The following MACF1 variants were observed in gnomAD, a reference collection of about 807,000 sequenced individuals.
MACF1 encodes microtubule-actin cross-linking factor 1.
Under a neutral mutation model 854.8 loss-of-function variants are expected in MACF1, and 193 were observed. The observed-to-expected ratio is 0.23, with a 90% confidence interval of 0.20 to 0.25. The LOEUF (loss-of-function observed/expected upper bound fraction) is 0.25. Among genes scored for constraint, MACF1 ranks in the 10% least tolerant of loss-of-function variants. The pLI, the probability that MACF1 is intolerant of heterozygous loss-of-function variation, is 1.00. For missense variants in MACF1, 7,722 were observed against 8,929.1 expected (o/e 0.86, Z 5.45); for synonymous variants, 3,185 against 3,226.7 (o/e 0.99, Z 0.44).
At chr1:39,386,787 A>G (rs1206561674) in intron 57 of MACF1, among the ~76,000 whole-genome samples, 1 of 144,298 alleles carries the variant, frequency 6.9e-6, no homozygotes, top group Non-Finnish European at 1.5e-5. Flanking sequence ...CTAGTCTTGA[A>G]CTCCTGGGCT....
rs1193493561 is a variant in MACF1 at position 39,332,417 on chromosome 1, A to C, written c.5829A>C (p.Ala1943=). Residue 1943 remains alanine, a synonymous_variant, in exon 37 of 101, where the codon GCA becomes GCC. Coordinates refer to ENST00000564288, the MANE Select transcript of MACF1 (RefSeq NM_001394062.1). The part of the protein sequence containing the change: ...DSAEQNINPG[A]AVLPCSKSHP... Reference sequence around the variant, plus strand: ...CAGAACAAAATATTAATCCTGGAGCAGCAGTTCTACCGTGCAGCAAGAGCC... The same window carrying C: ...CAGAACAAAATATTAATCCTGGAGCCGCAGTTCTACCGTGCAGCAAGAGCC... 2.5e-6 allele frequency: 4 copies of C among 1,614,052 alleles called. No homozygotes were observed. Among genetic ancestry groups the C allele is most frequent in the Non-Finnish European group, 3.4e-6 (4 of 1,180,020 alleles).
chr1:39,156,966 CT>C (rs11287580), intron 2 of MACF1, among the ~76,000 whole-genome samples: 119,537 of 136,816 alleles, frequency 0.87, 52,964 homozygotes, highest in East Asian at 0.99. Context: ...TTTCCATTAT[CT>C]TTTTTTTTTT....
intron 2 of MACF1, among the ~76,000 whole-genome samples, chr1:39,149,803 G>T (rs1643539146): frequency 6.6e-6 from 1 of 152,010 alleles, no homozygotes; most frequent in East Asian, 1.9e-4. Flanking sequence ...TTCTAAGCCA[G>T]ACAAAACTGT....
At chr1:39,207,334 A>C (rs1361544776) in intron 1 of MACF1, among the ~76,000 whole-genome samples, 5 of 149,998 alleles carry the variant, frequency 3.3e-5, no homozygotes, top group African/African-American at 1.2e-4. Flanking sequence ...GCTGGAGTAC[A>C]ATGGAGCACA....
At chr1:39,147,996 C>T (rs1325990823) in intron 2 of MACF1, among the ~76,000 whole-genome samples, 1 of 152,140 alleles carries the variant, frequency 6.6e-6, no homozygotes, top group African/African-American at 2.4e-5. Context: ...TTCTGCCTCA[C>T]AAATGCTTGT....
chr1:39,462,093 T>C, intron 93 of MACF1, 56 bp downstream of exon 93: 1 of 1,565,300 alleles, frequency 6.4e-7, no homozygotes, highest in Non-Finnish European at 8.8e-7. Flanking sequence ...TGTAATATCC[T>C]GAATTTGGTT....
At chr1:39,287,645 T>G in intron 15 of MACF1, 83 bp downstream of exon 15, 2 of 1,436,318 alleles carry the variant, frequency 1.4e-6, no homozygotes, top group Non-Finnish European at 1.9e-6. Context: ...AATTGCTTTG[T>G]GTTCCCTGTG....
chr1:39,129,782 A>G (rs1642951095), intron 2 of MACF1, among the ~76,000 whole-genome samples: 2 of 152,202 alleles, frequency 1.3e-5, no homozygotes, highest in South Asian at 2.1e-4. Flanking sequence ...TCACACACAC[A>G]TTATTGGTTA....
chr1:39,295,680 G>A, intron 19 of MACF1, 107 bp from the exon 20 acceptor site: 1 of 747,996 alleles, frequency 1.3e-6, no homozygotes, highest in South Asian at 1.9e-5. Context: ...CATCTTTTCT[G>A]TTGGCTTCTC....
intron 5 of MACF1, among the ~76,000 whole-genome samples, chr1:39,256,652 C>T (rs866192902): frequency 3.9e-5 from 6 of 152,114 alleles, no homozygotes; most frequent in Non-Finnish European, 8.8e-5. Flanking sequence ...TAAAGTTCCA[C>T]GTCCCAGGAA....
intron 2 of MACF1, among the ~76,000 whole-genome samples, chr1:39,177,369 G>A (rs1164135908): frequency 2.6e-5 from 4 of 152,088 alleles, no homozygotes; most frequent in African/African-American, 7.2e-5. Flanking sequence ...TGATCCACCC[G>A]CCTCGGCCTC....
Position 39,106,869 on chromosome 1 carries a change from A to G in MACF1, c.220+22431A>G, listed in dbSNP as rs115297363. ...GGAATGCAGCAGGAAAAAAGTAGAG[A>G]TGAAATGCGAAAAAAGACCTACTAG... On this transcript the variant is annotated intron_variant, in intron 2 of 93. Transcript: ENST00000361689. Among the ~76,000 whole-genome samples, 737 of 143,798 alleles carry G rather than the reference A, an allele frequency of 5.1e-3. 8 individuals are homozygous for G. The highest frequency in any genetic ancestry group is 0.018 in the African/African-American group (697 of 38,826). 94.3% of individuals were successfully genotyped at this position (143,798 alleles called of 152,430 possible). A position where few individuals can be genotyped will look rare whatever the true frequency, so the allele number is the denominator to read the frequency against.
chr1:39,382,681 C>CA (rs764349970), intron 56 of MACF1, among the ~76,000 whole-genome samples: 4,284 of 134,050 alleles, frequency 0.032, 112 homozygotes, highest in African/African-American at 0.086. Flanking sequence ...GACTCCGTCT[C>CA]AAAAAAAAAA....
At chr1:39,406,756 A>AAAAAAAAAC (rs746955922) in intron 58 of MACF1, among the ~76,000 whole-genome samples, 4,733 of 115,556 alleles carry the variant, frequency 0.041, 433 homozygotes, top group East Asian at 0.11. Context: ...AAAAAAAAAA[A>AAAAAAAAAC]AACATTCTTT....
At chr1:39,087,950 T>C (rs1641714348) in intron 2 of MACF1, among the ~76,000 whole-genome samples, 1 of 150,774 alleles carries the variant, frequency 6.6e-6, no homozygotes, top group Admixed American at 6.6e-5. Flanking sequence ...TTTTTGTATG[T>C]TTAGTAGAGA....
In MACF1 at chr1:39,384,292, C is replaced by T. The variant is rs181260750; in HGVS notation, c.13849-1142C>T. ...TCACATCAGAGTTTAATCATTTTTA[C>T]TTTTGTTACATTTTATTATAGTTCA... On this transcript the variant is annotated intron_variant, in intron 56 of 100. Transcript: ENST00000564288. Among the ~76,000 whole-genome samples, 6 of 152,222 alleles carry T rather than the reference C, an allele frequency of 3.9e-5. 1 individual carries two copies. Among genetic ancestry groups the T allele is most frequent in the Admixed American group, 3.3e-4 (5 of 15,282 alleles).
At chr1:39,431,954 C>T (rs1003440039) in intron 66 of MACF1, among the ~76,000 whole-genome samples, 1 of 152,170 alleles carries the variant, frequency 6.6e-6, no homozygotes, top group Non-Finnish European at 1.5e-5. Flanking sequence ...CCAGCCTGGG[C>T]AACAGAATCA....
In MACF1 at chr1:39,486,607, G is replaced by C. The variant is rs1429076272; in HGVS notation, c.*813G>C. Reference sequence around the variant, plus strand: ...TGGTGACATTGTGAATTTCAGATTTGTTTTATCCACTTTTTTTGCTATTTA... The same window carrying C: ...TGGTGACATTGTGAATTTCAGATTTCTTTTATCCACTTTTTTTGCTATTTA... On this transcript the variant is annotated 3_prime_UTR_variant, in exon 101 of 101. Transcript: ENST00000564288. 1 of 152,544 alleles carries C rather than the reference G, an allele frequency of 6.6e-6. No individual in the cohort carries two copies. Among genetic ancestry groups the C allele is most frequent in the Admixed American group, 6.5e-5 (1 of 15,286 alleles). 9.4% of individuals were successfully genotyped at this position (152,544 alleles called of 1,614,324 possible).
At chr1:39,458,347 T>C in intron 89 of MACF1, 23 bp from the exon 90 acceptor site, 1 of 1,610,344 alleles carries the variant, frequency 6.2e-7, no homozygotes, top group Non-Finnish European at 8.5e-7. Context: ...TTAACTCTTT[T>C]TCCTATTTTT....
Sources: allele counts gnomAD v4.1 joint callset (sites outside exome capture counted in the v4.1 genomes callset), GRCh38; gene constraint gnomAD v4.1.1; transcripts MANE v1.5; gene names NCBI Gene and HGNC (gene_info 2026-07-23, HGNC 2026-07-21).